The following SGCZ variants were observed in gnomAD, a reference collection of about 807,000 sequenced individuals.
The protein encoded by SGCZ is zeta-sarcoglycan.
SGCZ carries 40 observed loss-of-function variants against 41.3 expected under a neutral mutation model. That is an observed-to-expected ratio of 0.97 (90% confidence interval 0.75 to 1.26). SGCZ has a LOEUF of 1.26. Among genes scored for constraint, SGCZ ranks in the 50% most tolerant of loss-of-function variants. The pLI, the probability that SGCZ is intolerant of heterozygous loss-of-function variation, is 0.00. For synonymous variants in SGCZ, 206 were observed against 137.5 expected (o/e 1.50, Z -3.49); for missense variants, 552 against 369.8 (o/e 1.49, Z -4.04).
At chr8:15,203,081 C>A (rs540402453) in intron 1 of SGCZ, among the ~76,000 whole-genome samples, 19 of 151,844 alleles carry the variant, frequency 1.3e-4, no homozygotes, top group Admixed American at 5.9e-4. Context: ...TGGCACTCAA[C>A]CCTGGGTGAC....
At chr8:14,193,253 AT>A (rs1805161625) in intron 4 of SGCZ, among the ~76,000 whole-genome samples, 1 of 151,800 alleles carries the variant, frequency 6.6e-6, no homozygotes, top group Non-Finnish European at 1.5e-5. Context: ...TAATTTTGTT[AT>A]TTGTGATATA....
chr8:14,519,634 G>T (rs987183289), intron 2 of SGCZ, among the ~76,000 whole-genome samples: 6 of 151,976 alleles, frequency 3.9e-5, no homozygotes, highest in Middle Eastern at 3.2e-3. Flanking sequence ...AATATTTCCT[G>T]GCCTCTCTAC....
intron 1 of SGCZ, among the ~76,000 whole-genome samples, chr8:14,895,060 G>C (rs908947174): frequency 6.6e-6 from 1 of 152,152 alleles, no homozygotes; most frequent in African/African-American, 2.4e-5. Flanking sequence ...GGAATAACAT[G>C]AATGATCTAT....
intron 2 of SGCZ, among the ~76,000 whole-genome samples, chr8:14,486,642 C>A (rs141631273): frequency 1.5e-3 from 230 of 152,308 alleles, no homozygotes; most frequent in African/African-American, 5.2e-3. Context: ...GGCACCATCA[C>A]GGCTCACTGC....
intron 1 of SGCZ, among the ~76,000 whole-genome samples, chr8:14,624,555 ATTTTT>A (rs750064815): frequency 2.3e-4 from 22 of 96,226 alleles, no homozygotes; most frequent in African/African-American, 6.7e-4. Flanking sequence ...TATTATTATT[ATTTTT>A]TTTTTTTTTT....
chr8:14,115,782 A>T lies in SGCZ; in HGVS notation c.548-7547T>A, dbSNP rs1585148150. On this transcript the variant is annotated intron_variant, in intron 5 of 7. Transcript: ENST00000382080. ...AAATCTCCCATCAGTTACACCATAA[A>T]CTGAGGTTTCTTTGGGGGGTGGGGG... Among the ~76,000 whole-genome samples the T allele has an allele frequency of 1.3e-5, 2 of 150,684 alleles. 1 individual carries two copies. The highest frequency in any genetic ancestry group is 1.3e-4 in the Admixed American group (2 of 15,112).
intron 1 of SGCZ, among the ~76,000 whole-genome samples, chr8:14,882,675 A>T (rs752649650): frequency 2.6e-5 from 4 of 152,096 alleles, no homozygotes; most frequent in Non-Finnish European, 5.9e-5. Context: ...CTCAAATCCC[A>T]TTGTTTGATT....
intron 1 of SGCZ, among the ~76,000 whole-genome samples, chr8:14,877,261 C>G (rs1259744220): frequency 2.6e-5 from 4 of 152,162 alleles, no homozygotes; most frequent in Non-Finnish European, 5.9e-5. Flanking sequence ...GTGTGAGCCA[C>G]CACACCAAGC....
intron 1 of SGCZ, among the ~76,000 whole-genome samples, chr8:15,232,675 GTATATATATATATATGTGTGTATATA>G (rs1563198202): frequency 8.5e-6 from 1 of 117,496 alleles, no homozygotes. Context: ...ATATGTGTGT[GTATATATATATATATGTGTGTATATA>G]TATACATATA....
In SGCZ at chr8:14,900,140, A is replaced by G. The variant is rs1798917972; in HGVS notation, c.39+337445T>C. ...TTCTATAACAATTTTATCAGTATAA[A>G]TCACATCCACTTGACTGTAGACAGA... On this transcript the variant is annotated intron_variant, in intron 1 of 7. Coordinates refer to ENST00000382080, the MANE Select transcript of SGCZ (RefSeq NM_139167.4). 5.3e-5 allele frequency among the ~76,000 whole-genome samples: 8 copies of G among 152,266 alleles called. No homozygotes were observed. In the South Asian group the frequency reaches 1.7e-3, roughly 32 times the overall value.
intron 1 of SGCZ, among the ~76,000 whole-genome samples, chr8:14,586,097 C>T (rs993078210): frequency 3.3e-5 from 5 of 152,204 alleles, no homozygotes; most frequent in African/African-American, 1.2e-4. Flanking sequence ...ATTAACTATA[C>T]ACGCAGCTGA....
chr8:14,927,972 T>C (rs1241251020), intron 1 of SGCZ, among the ~76,000 whole-genome samples: 1 of 152,162 alleles, frequency 6.6e-6, no homozygotes, highest in African/African-American at 2.4e-5. Flanking sequence ...TAAGGTTCAG[T>C]CAAAGTCATC....
intron 1 of SGCZ, among the ~76,000 whole-genome samples, chr8:14,745,078 TTC>T (rs1287762079): frequency 1.3e-5 from 2 of 152,172 alleles, no homozygotes. Flanking sequence ...TCAACAATTT[TTC>T]ATCCTCTCCT....
intron 1 of SGCZ, among the ~76,000 whole-genome samples, chr8:14,627,926 T>A (rs1016853263): frequency 8.5e-5 from 13 of 152,098 alleles, no homozygotes; most frequent in Non-Finnish European, 1.9e-4. Context: ...AATTCCTTTA[T>A]TGTATAATTT....
At chr8:14,993,208 C>A (rs1473781383) in intron 1 of SGCZ, among the ~76,000 whole-genome samples, 1 of 152,128 alleles carries the variant, frequency 6.6e-6, no homozygotes, top group Non-Finnish European at 1.5e-5. Context: ...GAAGAGTAAC[C>A]TTTGCCCATT....
Position 14,551,473 on chromosome 8 carries a change from T to TAATA in SGCZ, c.234+3258_234+3259insTATT, listed in dbSNP as rs1491107563. On this transcript the variant is annotated intron_variant, in intron 2 of 7. Transcript: ENST00000382080. ...ATATATATTATATATATTATATATA[T>TAATA]TATATATTATATATATTATATATAT... Among the ~76,000 whole-genome samples the TAATA allele has an allele frequency of 2.4e-3, 28 of 11,536 alleles. 1 individual carries two copies. The highest frequency in any genetic ancestry group is 4.0e-3 in the Non-Finnish European group (26 of 6,474). 7.6% of individuals were successfully genotyped at this position (11,536 alleles called of 152,430 possible). A position where few individuals can be genotyped will look rare whatever the true frequency, so the allele number is the denominator to read the frequency against.
At chr8:14,726,324 C>CATATATATATATATA (rs1491280024) in intron 1 of SGCZ, among the ~76,000 whole-genome samples, 2 of 121,176 alleles carry the variant, frequency 1.7e-5, no homozygotes, top group Non-Finnish European at 3.3e-5. Context: ...ATATATATAT[C>CATATATATATATATA]TATATATATA....
intron 1 of SGCZ, among the ~76,000 whole-genome samples, chr8:15,089,139 C>T (rs1304452038): frequency 6.6e-6 from 1 of 152,042 alleles, no homozygotes; most frequent in East Asian, 1.9e-4. Flanking sequence ...TTATAAATGC[C>T]TAATCTTAGA....
intron 3 of SGCZ, among the ~76,000 whole-genome samples, chr8:14,254,848 T>A (rs536411656): frequency 6.6e-6 from 1 of 152,310 alleles, no homozygotes; most frequent in East Asian, 1.9e-4. Context: ...GGAACTGATC[T>A]GTATTCATTT....
Sources: allele counts gnomAD v4.1 joint callset (sites outside exome capture counted in the v4.1 genomes callset), GRCh38; gene constraint gnomAD v4.1.1; transcripts MANE v1.5; gene names NCBI Gene and HGNC (gene_info 2026-07-23, HGNC 2026-07-21).